Variants in AGO3 observed in about 807,000 individuals in gnomAD.
AGO3 encodes the protein argonaute RISC catalytic component 3, also known as protein argonaute-3.
AGO3 carries 16 observed loss-of-function variants against 105.5 expected under a neutral mutation model. The ratio of observed to expected loss-of-function variants is 0.15; its 90% CI spans 0.10 to 0.23. AGO3 has a LOEUF of 0.23. AGO3 is among the 10% of genes least tolerant of loss of function. The pLI, the probability that AGO3 is intolerant of heterozygous loss-of-function variation, is 1.00. For missense variants in AGO3, 534 were observed against 1,088.0 expected, an observed-to-expected ratio of 0.49 and a Z score of 7.16; for synonymous variants, 340 against 367.3, an observed-to-expected ratio of 0.93 and a Z score of 0.85.
rs1048621661 is a variant in AGO3 at position 36,027,394 on chromosome 1, T to C, written c.1591+96T>C. Reference sequence around the variant, plus strand: ...CCTAAAACTTTCAAATATTAAAATATATTTTATGATACAGTATTTAAAACC... The same window carrying C: ...CCTAAAACTTTCAAATATTAAAATACATTTTATGATACAGTATTTAAAACC... On this transcript the variant is annotated intron_variant, in intron 12 of 18. Coordinates refer to ENST00000373191, the MANE Select transcript of AGO3 (RefSeq NM_024852.4). The surrounding 1 kb of genome is among the most constrained non-coding windows in gnomAD (Gnocchi z 4.0). The C allele has an allele frequency of 1.7e-6, 2 of 1,148,014 alleles. No homozygotes were observed. The highest frequency in any genetic ancestry group is 1.2e-6 in the Non-Finnish European group (1 of 841,094). The allele number at this position is 1,148,014 out of a possible 1,614,324, so 71.1% of individuals were successfully genotyped here.
chr1:35,964,174 T>A (rs959623919), intron 2 of AGO3, among the ~76,000 whole-genome samples: 3 of 152,308 alleles, frequency 2.0e-5, no homozygotes, highest in Middle Eastern at 6.8e-3. Flanking sequence ...GAGGTATATG[T>A]ACAGGTTTGT....
chr1:35,962,777 A>C (rs1315507373), intron 2 of AGO3, among the ~76,000 whole-genome samples: 2 of 152,146 alleles, frequency 1.3e-5, no homozygotes, highest in African/African-American at 4.8e-5. Flanking sequence ...TATAAAGAAG[A>C]ACCAAAAAAT....
rs1368166094 is a variant in AGO3 at position 36,055,219 on chromosome 1, A to G, written c.2474+74A>G. The stretch of plus-strand genomic sequence containing the variant: ...CATGGTAGGATTTTCAAGTTCCACA[A>G]GCTATTAGCGGAGTCAGTGATCCAT... On this transcript the variant is annotated intron_variant, in intron 18 of 18. Coordinates refer to ENST00000373191, the MANE Select transcript of AGO3 (RefSeq NM_024852.4). This position sits in a 1 kb window ranked among gnomAD's most constrained non-coding sequence, Gnocchi z 4.4. 1.4e-6 allele frequency: 2 copies of G among 1,473,054 alleles called. No homozygotes were observed. The highest frequency in any genetic ancestry group is 2.5e-5 in the East Asian group (1 of 40,536). The allele number at this position is 1,473,054 out of a possible 1,614,324, so 91.2% of individuals were successfully genotyped here. A position where few individuals can be genotyped will look rare whatever the true frequency, so the allele number is the denominator to read the frequency against.
At chr1:35,983,726 T>C (rs546092498) in intron 5 of AGO3, among the ~76,000 whole-genome samples, 1 of 152,340 alleles carries the variant, frequency 6.6e-6, no homozygotes, top group African/African-American at 2.4e-5. Flanking sequence ...TACTCTCCAA[T>C]GTACATTCAG....
rs1032599518 is a variant in AGO3 at position 36,010,619 on chromosome 1, AAAAG to A, written c.1149+1028_1149+1031del. Among the ~76,000 whole-genome samples the A allele has an allele frequency of 4.0e-5, 6 of 151,318 alleles. No individual in the cohort carries two copies. In the East Asian group the frequency reaches 7.8e-4, roughly 20 times the overall value. Reference sequence around the variant, plus strand: ...TCTGTCTCAAAAAAAAAAAAAAAGAAAAAGAAGGTCGGGTGCGGTGGCTCATGCC... The same window carrying A: ...TCTGTCTCAAAAAAAAAAAAAAAGAAAAGGTCGGGTGCGGTGGCTCATGCC... On this transcript the variant is annotated intron_variant, in intron 9 of 18. Transcript: ENST00000373191.
intron 11 of AGO3, among the ~76,000 whole-genome samples, chr1:36,022,883 T>C (rs906741346): frequency 6.8e-6 from 1 of 147,292 alleles, no homozygotes; most frequent in Non-Finnish European, 1.5e-5. Flanking sequence ...ATCGCTCCAT[T>C]GCACTTCAGC....
intron 5 of AGO3, among the ~76,000 whole-genome samples, chr1:35,997,806 C>T (rs1027663285): frequency 1.3e-5 from 2 of 152,100 alleles, no homozygotes; most frequent in African/African-American, 4.8e-5. Flanking sequence ...AAGTAATTCT[C>T]CTGCCTCAGC....
intron 6 of AGO3, 114 bp downstream of exon 6, chr1:36,004,589 A>G (rs1640254530): frequency 8.8e-6 from 8 of 910,914 alleles, no homozygotes; most frequent in East Asian, 3.0e-5. Flanking sequence ...CAGTAAAACT[A>G]TACATCAATT....
In AGO3 at chr1:36,039,749, TTTTATTTA is replaced by T. The variant is rs200239488; in HGVS notation, c.1843-25_1843-18del. ...TCATGTAATTTTGATTATCATTTAT[TTTTATTTA>T]TTTATTTATTTATTTTACTTTTTCT... is the stretch of plus-strand genomic sequence containing the variant. On this transcript the variant is annotated intron_variant, in intron 14 of 18. Coordinates refer to ENST00000373191, the MANE Select transcript of AGO3 (RefSeq NM_024852.4). 14 of 1,173,784 alleles carry T rather than the reference TTTTATTTA, an allele frequency of 1.2e-5. No homozygotes were observed. In the South Asian group the frequency reaches 2.0e-4, roughly 17 times the overall value. 72.7% of individuals were successfully genotyped at this position (1,173,784 alleles called of 1,614,324 possible).
At chr1:36,041,180 A>AG (rs1259932397) in intron 16 of AGO3, among the ~76,000 whole-genome samples, 2 of 146,450 alleles carry the variant, frequency 1.4e-5, no homozygotes, top group African/African-American at 5.1e-5. Context: ...GTGAATGTAT[A>AG]TTTTTTATAA....
chr1:35,941,861 T>C (rs1390291636), intron 1 of AGO3, among the ~76,000 whole-genome samples: 2 of 152,166 alleles, frequency 1.3e-5, no homozygotes, highest in African/African-American at 4.8e-5. Flanking sequence ...CTGCATGGTG[T>C]AAAATAAAAG....
chr1:35,981,256 CTT>C (rs1418621335), intron 5 of AGO3, among the ~76,000 whole-genome samples: 2 of 152,124 alleles, frequency 1.3e-5, no homozygotes, highest in African/African-American at 4.8e-5. Context: ...ATACTTACCA[CTT>C]TTTTGTTGCT....
At position 36,030,088 on chromosome 1, in the gene AGO3, G is replaced by A. The variant is rs535589890; in HGVS notation, c.1591+2790G>A. Among the ~76,000 whole-genome samples, 138 of 152,166 alleles carry A rather than the reference G, an allele frequency of 9.1e-4. 1 individual carries two copies. The highest frequency in any genetic ancestry group is 3.2e-3 in the African/African-American group (133 of 41,532). Reference sequence around the variant, plus strand: ...AGCAAATAGAAACAATAAACAAATAGTTTATTATTAGTTAAATAAAAACCT... The same window carrying A: ...AGCAAATAGAAACAATAAACAAATAATTTATTATTAGTTAAATAAAAACCT... On this transcript the variant is annotated intron_variant, in intron 12 of 18. Transcript: ENST00000373191.
At position 35,949,477 on chromosome 1, in the gene AGO3, C is replaced by G. The variant is rs1172644017; in HGVS notation, c.191+3614C>G. ...TGGTGGCTCAGTTCCTGTGCTTCAA[C>G]AACTGGAATTCTAGGCGTTAGAAGG... On this transcript the variant is annotated intron_variant, in intron 2 of 18. Transcript: ENST00000373191. Among the ~76,000 whole-genome samples the G allele has an allele frequency of 2.6e-5, 4 of 152,114 alleles. No individual in the cohort carries two copies. In the East Asian group the frequency reaches 7.7e-4, roughly 29 times the overall value.
chr1:36,000,703 A>G (rs939806340), intron 5 of AGO3, among the ~76,000 whole-genome samples: 2 of 151,984 alleles, frequency 1.3e-5, no homozygotes, highest in African/African-American at 4.8e-5. Flanking sequence ...CTTAAATTTG[A>G]TATGTATCCT....
Position 36,062,517 on chromosome 1 carries a change from G to A in AGO3, c.*6772G>A, listed in dbSNP as rs186856667. 2.6e-5 allele frequency: 4 copies of A among 152,198 alleles called. No individual in the cohort carries two copies. The East Asian group carries it at 7.7e-4, about 29-fold the overall frequency. The allele number at this position is 152,198 out of a possible 1,614,324, so 9.4% of individuals were successfully genotyped here. On this transcript the variant is annotated 3_prime_UTR_variant, in exon 19 of 19. Coordinates refer to ENST00000373191, the MANE Select transcript of AGO3 (RefSeq NM_024852.4). The stretch of plus-strand genomic sequence containing the variant: ...AGGAACTATGAAAAATGATGACAAG[G>A]CATTTAAAAGGGTATGATCAGTTAA...
In AGO3 at chr1:36,034,710, G is replaced by A. The variant is rs565995929; in HGVS notation, c.1751+377G>A. Among the ~76,000 whole-genome samples, 4 of 152,258 alleles carry A rather than the reference G, an allele frequency of 2.6e-5. No homozygotes were observed. In the South Asian group the frequency reaches 8.3e-4, roughly 32 times the overall value. On this transcript the variant is annotated intron_variant, in intron 13 of 18. Transcript: ENST00000373191. Reference sequence around the variant, plus strand: ...AGTATCCAGTGCTTTATTTCTCACTGGAGAGCCCAGCTTGAAGAATTTTCA... The same window carrying A: ...AGTATCCAGTGCTTTATTTCTCACTAGAGAGCCCAGCTTGAAGAATTTTCA...
In AGO3 at chr1:36,027,172, C is replaced by T. The variant is rs1641542742; in HGVS notation, c.1465C>T (p.Gln489Ter). 6.2e-7 allele frequency: 1 copy of T among 1,614,052 alleles called. No individual in the cohort carries two copies. Among genetic ancestry groups the T allele is most frequent in the Admixed American group, 1.7e-5 (1 of 60,006 alleles). ...SKDAGMPIQGQPCFCKYAQGA... is the reference protein window; with the variant it reads ...SKDAGMPIQG ...GGATGCAGGGATGCCCATCCAGGGC[C>T]AGCCATGCTTCTGCAAATATGCACA... The change falls in exon 12 of 19, where the codon CAG becomes TAG. Residue 489 changes from glutamine (Q) to a stop codon, truncating the protein, a stop_gained. Coordinates refer to ENST00000373191, the MANE Select transcript of AGO3 (RefSeq NM_024852.4). LOFTEE classifies it high-confidence loss of function. This position sits in a 1 kb window ranked among gnomAD's most constrained non-coding sequence, Gnocchi z 4.0.
intron 5 of AGO3, among the ~76,000 whole-genome samples, chr1:35,995,210 A>T (rs1648185377): frequency 1.1e-5 from 1 of 93,738 alleles, no homozygotes; most frequent in African/African-American, 3.8e-5. Context: ...AAAAAAAAAA[A>T]TATATATATA....
Sources: gnomAD v4.1 joint callset for allele counts (sites outside exome capture counted in the v4.1 genomes callset) on GRCh38, gnomAD v4.1.1 for gene constraint, Gnocchi (gnomAD v3.1) non-coding constraint, MANE v1.5 for transcripts, NCBI Gene and HGNC (gene_info 2026-07-23, HGNC 2026-07-21) for gene names.